ABAT: variants seen among roughly 807,000 people sequenced by gnomAD.
ABAT encodes 4-aminobutyrate aminotransferase.
Under a neutral mutation model 64.6 loss-of-function variants are expected in ABAT, and 45 were observed. That is an observed-to-expected ratio of 0.70 (90% CI 0.55 to 0.89). The LOEUF (loss-of-function observed/expected upper bound fraction) is 0.89. Ranked by LOEUF, ABAT falls within the 40% of genes least tolerant of loss-of-function variation. The pLI is 0.00. For synonymous variants in ABAT, 297 were observed against 250.5 expected (o/e 1.19, Z -1.75); for missense variants, 633 against 658.4 (o/e 0.96, Z 0.42).
At chr16:8,721,934 G>C (rs2058384318) in intron 1 of ABAT, among the ~76,000 whole-genome samples, 4 of 152,198 alleles carry the variant, frequency 2.6e-5, no homozygotes, top group Admixed American at 2.6e-4. Context: ...GACTTGTTTT[G>C]ACTGAGACAC....
intron 2 of ABAT, among the ~76,000 whole-genome samples, chr16:8,743,031 A>G (rs2059210284): frequency 7.5e-6 from 1 of 133,904 alleles, no homozygotes; most frequent in Non-Finnish European, 1.6e-5. Flanking sequence ...AAAAAAAGTC[A>G]TCGATATGTT....
At chr16:8,747,265 T>G (rs74460943) in intron 3 of ABAT, among the ~76,000 whole-genome samples, 4,632 of 152,288 alleles carry the variant, frequency 0.03, 216 homozygotes, top group African/African-American at 0.1. Context: ...ACCTTTCTAA[T>G]GCAAATTTAT....
intron 1 of ABAT, among the ~76,000 whole-genome samples, chr16:8,686,780 G>T (rs1360100280): frequency 6.6e-6 from 1 of 152,078 alleles, no homozygotes; most frequent in African/African-American, 2.4e-5. Flanking sequence ...TCCATCAAAG[G>T]GTGCAATAAT....
intron 5 of ABAT, among the ~76,000 whole-genome samples, chr16:8,754,023 G>A (rs970149709): frequency 6.6e-6 from 1 of 151,826 alleles, no homozygotes; most frequent in Non-Finnish European, 1.5e-5. Context: ...TCAACCTCTG[G>A]CCACATTGAC....
At chr16:8,737,013 C>T (rs2058961910) in intron 2 of ABAT, 1 of 152,426 alleles carries the variant, frequency 6.6e-6, no homozygotes, top group African/African-American at 2.4e-5. Flanking sequence ...TCTCACAGCC[C>T]CTGTGCTTGT....
chr16:8,711,622 G>A (rs1435110567), intron 1 of ABAT, among the ~76,000 whole-genome samples: 1 of 152,144 alleles, frequency 6.6e-6, no homozygotes, highest in Admixed American at 6.5e-5. Context: ...TTTGGGGATA[G>A]TGAATCATTT....
rs547233839 is a variant in ABAT, at chr16:8,722,810, A to C, written c.-41-12889A>C. 8.5e-6 allele frequency: 11 copies of C among 1,289,158 alleles called. No homozygotes were observed. The East Asian group carries it at 2.8e-4, about 33-fold the overall frequency. 79.9% of individuals were successfully genotyped at this position (1,289,158 alleles called of 1,614,324 possible). A position where few individuals can be genotyped will look rare whatever the true frequency, so the allele number is the denominator to read the frequency against. ...TAGCGGATTGCAAAGGGCCTGGTAG[A>C]ATCAAAGAGGGATATACTAATGCAA... On this transcript the variant is annotated intron_variant, in intron 1 of 15. Coordinates refer to ENST00000268251, the MANE Select transcript of ABAT (RefSeq NM_020686.6).
At chr16:8,772,459 C>T (rs1428092372) in intron 11 of ABAT, among the ~76,000 whole-genome samples, 1 of 152,244 alleles carries the variant, frequency 6.6e-6, no homozygotes, top group African/African-American at 2.4e-5. Context: ...TATATTTTCT[C>T]ATTCAGTCCT....
intron 1 of ABAT, among the ~76,000 whole-genome samples, chr16:8,711,916 C>G (rs770678005): frequency 5.3e-5 from 8 of 150,932 alleles, no homozygotes; most frequent in Non-Finnish European, 8.8e-5. Flanking sequence ...GAAACCTAGA[C>G]TTTATTGTCT....
Position 8,776,454 on chromosome 16 carries a change from C to T in ABAT, c.1233C>T (p.Ala411=), listed in dbSNP as rs147188899. 1.7e-5 allele frequency: 28 copies of T among 1,614,050 alleles called. No individual in the cohort carries two copies. Among genetic ancestry groups the T allele is most frequent in the Admixed American group, 6.7e-5 (4 of 60,008 alleles). ...REDLLNNAAH[A]GKALLTGLLD... is the part of the protein sequence containing the mutation. Reference sequence around the variant, plus strand: ...ACCTGCTAAATAATGCAGCCCATGCCGGGAAGGCCCTGCTCACAGGACTGC... The same window carrying T: ...ACCTGCTAAATAATGCAGCCCATGCTGGGAAGGCCCTGCTCACAGGACTGC... Residue 411 remains alanine (A), a synonymous_variant, in exon 14 of 16, where the codon GCC becomes GCT. Coordinates refer to ENST00000268251, the MANE Select transcript of ABAT (RefSeq NM_020686.6). The surrounding 1 kb of genome is among the most constrained non-coding windows in gnomAD (Gnocchi z 4.4).
At position 8,776,923 on chromosome 16, in the gene ABAT, C is replaced by G. The variant is rs2060281834; in HGVS notation, c.1269+433C>G. ...TATTTGTCTATTTATTTTTTGAGACCAAGTCTTGCTTTGTACCCAGGCTGG... is the reference window on the plus strand; with the variant it reads ...TATTTGTCTATTTATTTTTTGAGACGAAGTCTTGCTTTGTACCCAGGCTGG... On this transcript the variant is annotated intron_variant, in intron 14 of 15. Coordinates refer to ENST00000268251, the MANE Select transcript of ABAT (RefSeq NM_020686.6). The surrounding 1 kb of genome is among the most constrained non-coding windows in gnomAD (Gnocchi z 4.4). Among the ~76,000 whole-genome samples, 1 of 151,342 alleles carries G rather than the reference C, an allele frequency of 6.6e-6. No homozygotes were observed. The highest frequency in any genetic ancestry group is 2.1e-4 in the South Asian group (1 of 4,778).
At chr16:8,748,224 T>G in intron 4 of ABAT, 87 bp downstream of exon 4, 1 of 1,304,282 alleles carries the variant, frequency 7.7e-7, no homozygotes, top group South Asian at 1.3e-5. Context: ...TCTGGCTCTT[T>G]TTTAAAAAAA....
At chr16:8,678,029 C>T (rs144994210) in intron 1 of ABAT, among the ~76,000 whole-genome samples, 1 of 152,106 alleles carries the variant, frequency 6.6e-6, no homozygotes, top group African/African-American at 2.4e-5. Context: ...CACTGCATTC[C>T]AGCCTGGGTG....
intron 2 of ABAT, 179 bp downstream of exon 2, chr16:8,735,988 A>G: frequency 3.3e-6 from 2 of 612,590 alleles, no homozygotes; most frequent in Non-Finnish European, 5.8e-6. Flanking sequence ...GAGACTGGGT[A>G]TTTTATGAAG....
At chr16:8,719,209 C>T (rs1248646182) in intron 1 of ABAT, among the ~76,000 whole-genome samples, 1 of 152,140 alleles carries the variant, frequency 6.6e-6, no homozygotes. Context: ...TTGAACTGAA[C>T]AAACAGATTT....
rs2059901060 is a variant in ABAT at position 8,764,919 on chromosome 16, T to C, written c.540+89T>C. On this transcript the variant is annotated intron_variant, in intron 8 of 15. Coordinates refer to ENST00000268251, the MANE Select transcript of ABAT (RefSeq NM_020686.6). This position sits in a 1 kb window ranked among gnomAD's most constrained non-coding sequence, Gnocchi z 4.2. ...CCCCTTGTCTGACTGTTCATTCCAATGGGCTGGAGTATTAGACATCAGTAC... is the reference window on the plus strand; with the variant it reads ...CCCCTTGTCTGACTGTTCATTCCAACGGGCTGGAGTATTAGACATCAGTAC... The C allele has an allele frequency of 4.2e-6, 5 of 1,204,154 alleles. No homozygotes were observed. Among genetic ancestry groups the C allele is most frequent in the Non-Finnish European group, 3.7e-6 (3 of 815,180 alleles). 74.6% of individuals were successfully genotyped at this position (1,204,154 alleles called of 1,614,324 possible).
chr16:8,782,853 T>C lies in ABAT; in HGVS notation c.*1423T>C, dbSNP rs2060471167. ...CATCTCCCGGTGCCTTGGTTGACTA[T>C]TTTGGAAATAGGCATATCAAGGTTC... On this transcript the variant is annotated 3_prime_UTR_variant, in exon 16 of 16. Transcript: ENST00000268251. The C allele has an allele frequency of 6.6e-6, 1 of 152,204 alleles. No individual in the cohort carries two copies. Among genetic ancestry groups the C allele is most frequent in the East Asian group, 1.9e-4 (1 of 5,200 alleles). 9.4% of individuals were successfully genotyped at this position (152,204 alleles called of 1,614,324 possible).
intron 1 of ABAT, among the ~76,000 whole-genome samples, chr16:8,680,868 G>A (rs2141907318): frequency 6.6e-6 from 1 of 152,174 alleles, no homozygotes; most frequent in East Asian, 1.9e-4. Context: ...ATTATCTTCA[G>A]AGAAATGTCT....
Position 8,783,719 on chromosome 16 carries a change from G to A in ABAT, c.*2289G>A, listed in dbSNP as rs1419913438. ...CTTTAGCATTGGGTGCAAATATTCA[G>A]TATGGTTCTCGGAGTCCAAAGGGTT... On this transcript the variant is annotated 3_prime_UTR_variant, in exon 16 of 16. Coordinates refer to ENST00000268251, the MANE Select transcript of ABAT (RefSeq NM_020686.6). The A allele has an allele frequency of 6.6e-6, 1 of 152,188 alleles. No homozygotes were observed. Among genetic ancestry groups the A allele is most frequent in the Non-Finnish European group, 1.5e-5 (1 of 68,026 alleles). The allele number at this position is 152,188 out of a possible 1,614,324, so 9.4% of individuals were successfully genotyped here.
Sources: allele counts gnomAD v4.1 joint callset (sites outside exome capture counted in the v4.1 genomes callset), GRCh38; gene constraint gnomAD v4.1.1; non-coding constraint Gnocchi (gnomAD v3.1); transcripts MANE v1.5; gene names NCBI Gene and HGNC (gene_info 2026-07-23, HGNC 2026-07-21).